Variants in TNFRSF9 observed in about 807,000 individuals in gnomAD.
The protein encoded by TNFRSF9 is TNF receptor superfamily member 9, also known as tumor necrosis factor receptor superfamily member 9.
TNFRSF9 carries 16 observed loss-of-function variants against 28.8 expected under a neutral mutation model. The observed-to-expected ratio is 0.55, with a 90% CI of 0.38 to 0.84. The LOEUF is 0.84. Among genes scored for constraint, TNFRSF9 ranks in the 40% least tolerant of loss-of-function variants. The probability of loss-of-function intolerance (pLI) is 0.00; values close to 1 mark genes in which losing one functional copy is unlikely to be tolerated. For missense variants in TNFRSF9, 303 were observed against 315.0 expected (o/e 0.96, Z 0.29); for synonymous variants, 131 against 117.0 (o/e 1.12, Z -0.77).
intron 3 of TNFRSF9, 72 bp downstream of exon 3, chr1:7,938,646 CAGT>C: frequency 8.1e-7 from 1 of 1,232,146 alleles, no homozygotes; most frequent in Non-Finnish European, 1.1e-6. Flanking sequence ...CAAAAGAGAG[CAGT>C]TAGTAAATGG....
Position 7,916,559 on chromosome 1 carries a change from C to A in TNFRSF9, c.*4276G>T, listed in dbSNP as rs1247196836. The A allele has an allele frequency of 1.3e-5, 2 of 152,184 alleles. No homozygotes were observed. Among genetic ancestry groups the A allele is most frequent in the East Asian group, 3.8e-4 (2 of 5,196 alleles). 9.4% of individuals were successfully genotyped at this position (152,184 alleles called of 1,614,324 possible). A position where few individuals can be genotyped will look rare whatever the true frequency, so the allele number is the denominator to read the frequency against. ...ATACCCCAACCCTGTGGGGCATGAC[C>A]AGTCTCTTTCTGTTTGTGGATAGTC... is the stretch of plus-strand genomic sequence containing the variant. On this transcript the variant is annotated 3_prime_UTR_variant, in exon 8 of 8. Transcript: ENST00000377507.
At chr1:7,940,591 A>G (rs2151420979) in intron 1 of TNFRSF9, among the ~76,000 whole-genome samples, 193 bp downstream of exon 1, 1 of 152,324 alleles carries the variant, frequency 6.6e-6, no homozygotes, top group African/African-American at 2.4e-5. Context: ...ATGTTTTGAG[A>G]TGTGAAGTTT....
rs1268256572 is a variant in TNFRSF9 at position 7,918,593 on chromosome 1, C to G, written c.*2242G>C. On this transcript the variant is annotated 3_prime_UTR_variant, in exon 8 of 8. Transcript: ENST00000377507. The stretch of plus-strand genomic sequence containing the variant: ...TGTTGCCAAGGCTGGTCTCGAACTC[C>G]TGGGCTCAAGCGATCTGCCCACCTT... 6.6e-6 allele frequency: 1 copy of G among 152,156 alleles called. No homozygotes were observed. The highest frequency in any genetic ancestry group is 1.5e-5 in the Non-Finnish European group (1 of 68,050). 9.4% of individuals were successfully genotyped at this position (152,156 alleles called of 1,614,324 possible). A position where few individuals can be genotyped will look rare whatever the true frequency, so the allele number is the denominator to read the frequency against.
In TNFRSF9 at chr1:7,940,088, A is replaced by T; in HGVS notation, c.-84-10T>A. On this transcript the variant is annotated splice_polypyrimidine_tract_variant and intron_variant, in intron 1 of 7. Coordinates refer to ENST00000377507, the MANE Select transcript of TNFRSF9 (RefSeq NM_001561.6). ...TCTCACAAATGTCACTCTGCAAAAGATAAACATTTCCAAGGAAAGGTGGTT... is the reference window on the plus strand; with the variant it reads ...TCTCACAAATGTCACTCTGCAAAAGTTAAACATTTCCAAGGAAAGGTGGTT... 1.2e-6 allele frequency: 1 copy of T among 841,606 alleles called. No homozygotes were observed. Among genetic ancestry groups the T allele is most frequent in the Admixed American group, 2.2e-5 (1 of 46,314 alleles). 52.1% of individuals were successfully genotyped at this position (841,606 alleles called of 1,614,324 possible). A position where few individuals can be genotyped will look rare whatever the true frequency, so the allele number is the denominator to read the frequency against.
At chr1:7,933,064 GA>G in intron 7 of TNFRSF9, 97 bp downstream of exon 7, 1 of 1,448,850 alleles carries the variant, frequency 6.9e-7, no homozygotes, top group Non-Finnish European at 9.2e-7. Context: ...GGGGCTATAT[GA>G]ACCTCATTTC....
intron 7 of TNFRSF9, among the ~76,000 whole-genome samples, chr1:7,922,893 ACTT>A (rs928334155): frequency 5.6e-5 from 8 of 142,736 alleles, no homozygotes; most frequent in Admixed American, 1.4e-4. Context: ...AAGACTACAA[ACTT>A]CTTTTTTTTT....
intron 7 of TNFRSF9, among the ~76,000 whole-genome samples, chr1:7,924,093 C>T (rs1248638607): frequency 6.6e-6 from 1 of 151,906 alleles, no homozygotes; most frequent in Non-Finnish European, 1.5e-5. Flanking sequence ...GATGTCCAAC[C>T]ATCATAACAT....
rs9657964 is a variant in TNFRSF9, at chr1:7,938,431, T to C, written c.209-101A>G. 214 of 1,261,062 alleles carry C rather than the reference T, an allele frequency of 1.7e-4. No homozygotes were observed. The African/African-American group carries it at 2.7e-3, about 16-fold the overall frequency. 78.1% of individuals were successfully genotyped at this position (1,261,062 alleles called of 1,614,324 possible). ...GTAAAAATCATGCTCACTCTACTTA[T>C]AGTGTTCCCAGTAATTTTAAAGTTT... On this transcript the variant is annotated intron_variant, in intron 3 of 7. Transcript: ENST00000377507.
In TNFRSF9 at chr1:7,920,817, G is replaced by A. The variant is rs1047592944; in HGVS notation, c.*18C>T. 1.3e-6 allele frequency: 2 copies of A among 1,596,166 alleles called. No homozygotes were observed. The highest frequency in any genetic ancestry group is 1.7e-6 in the Non-Finnish European group (2 of 1,164,282). On this transcript the variant is annotated 3_prime_UTR_variant, in exon 8 of 8. Coordinates refer to ENST00000377507, the MANE Select transcript of TNFRSF9 (RefSeq NM_001561.6). Reference sequence around the variant, plus strand: ...GCTTCTTTTCAAGAAAGTCCCAACAGCCCTATTGACTTCCATTTCACAGTT... The same window carrying A: ...GCTTCTTTTCAAGAAAGTCCCAACAACCCTATTGACTTCCATTTCACAGTT...
intron 2 of TNFRSF9, 46 bp from the exon 3 acceptor site, chr1:7,938,874 C>T (rs376759131): frequency 2.4e-5 from 33 of 1,376,648 alleles, no homozygotes; most frequent in Non-Finnish European, 3.0e-5. Flanking sequence ...AATGGGCAAT[C>T]GTCACCCAAG....
chr1:7,934,981 C>T (rs371523080), intron 6 of TNFRSF9, 32 bp downstream of exon 6: 32 of 1,611,096 alleles, frequency 2.0e-5, no homozygotes, highest in African/African-American at 6.7e-5. Flanking sequence ...CCATAAGATA[C>T]GCACTTTGGC....
At chr1:7,931,965 G>A (rs752631728) in intron 7 of TNFRSF9, among the ~76,000 whole-genome samples, 1 of 152,168 alleles carries the variant, frequency 6.6e-6, no homozygotes, top group Non-Finnish European at 1.5e-5. Flanking sequence ...CCAACATGGA[G>A]AAACCCCGTC....
At position 7,937,737 on chromosome 1, in the gene TNFRSF9, A is replaced by C. The variant is rs1639841494; in HGVS notation, c.366T>G (p.Phe122Leu). ...CACGTTTCTGATCGTTAAATGTCCC[A>C]AAGCAACAGTCTTTACAACCTTGTA... ...LTKKGCKDCC[F>L]GTFNDQKRGI... Residue 122 changes from phenylalanine (F) to leucine (L), a missense_variant, in exon 5 of 8, where the codon TTT (phenylalanine) becomes TTG (leucine). Phe to Leu is a conservative substitution (Grantham distance 22). Transcript: ENST00000377507. 1 of 1,613,400 alleles carries C rather than the reference A, an allele frequency of 6.2e-7. No individual in the cohort carries two copies. The highest frequency in any genetic ancestry group is 1.3e-5 in the African/African-American group (1 of 74,936).
chr1:7,925,024 A>G lies in TNFRSF9; in HGVS notation c.680-4101T>C, dbSNP rs528670092. On this transcript the variant is annotated intron_variant, in intron 7 of 7. Transcript: ENST00000377507. Reference sequence around the variant, plus strand: ...AAAAAGTTAAAAAAAATTTTTTTTAAGTTTATAGGCTGGGTGCGGTGGCTC... The same window carrying G: ...AAAAAGTTAAAAAAAATTTTTTTTAGGTTTATAGGCTGGGTGCGGTGGCTC... Among the ~76,000 whole-genome samples the G allele has an allele frequency of 2.6e-5, 4 of 152,218 alleles. No homozygotes were observed. In the South Asian group the frequency reaches 8.3e-4, roughly 32 times the overall value.
At chr1:7,937,281 A>G (rs1335078965) in intron 5 of TNFRSF9, among the ~76,000 whole-genome samples, 1 of 152,156 alleles carries the variant, frequency 6.6e-6, no homozygotes. Flanking sequence ...CTCCTGCCTC[A>G]TCAGCCTTCC....
At chr1:7,938,540 T>C (rs1639855467) in intron 3 of TNFRSF9, among the ~76,000 whole-genome samples, 181 bp downstream of exon 3, 1 of 152,246 alleles carries the variant, frequency 6.6e-6, no homozygotes, top group Non-Finnish European at 1.5e-5. Context: ...CTCTAATATT[T>C]AGAAAGCTCA....
chr1:7,921,441 G>A (rs1639557667), intron 7 of TNFRSF9, among the ~76,000 whole-genome samples: 1 of 151,864 alleles, frequency 6.6e-6, no homozygotes, highest in Non-Finnish European at 1.5e-5. Context: ...GCTGAGGCCG[G>A]TGGATCACAA....
At chr1:7,932,004 G>A (rs1639738253) in intron 7 of TNFRSF9, among the ~76,000 whole-genome samples, 3 of 152,176 alleles carry the variant, frequency 2.0e-5, no homozygotes, top group Non-Finnish European at 4.4e-5. Context: ...TTAGCTGGGT[G>A]TGGTGGCGCA....
chr1:7,937,518 A>C (rs1639836732), intron 5 of TNFRSF9, among the ~76,000 whole-genome samples, 172 bp downstream of exon 5: 1 of 152,152 alleles, frequency 6.6e-6, no homozygotes, highest in African/African-American at 2.4e-5. Flanking sequence ...GAAAATGCCC[A>C]CTTTGCCTAT....
Sources: allele counts gnomAD v4.1 joint callset (sites outside exome capture counted in the v4.1 genomes callset), GRCh38; gene constraint gnomAD v4.1.1; transcripts MANE v1.5; gene names NCBI Gene and HGNC (gene_info 2026-07-23, HGNC 2026-07-21).